Variants in ADAMTS12 observed in about 807,000 individuals in gnomAD.
The protein encoded by ADAMTS12 is A disintegrin and metalloproteinase with thrombospondin motifs 12.
ADAMTS12 carries 118 observed loss-of-function variants against 167.8 expected under a neutral mutation model. The observed-to-expected ratio is 0.70, with a 90% CI of 0.61 to 0.82. The LOEUF (loss-of-function observed/expected upper bound fraction) is 0.82, where lower values mean the gene tolerates loss of function less well. Among genes scored for constraint, ADAMTS12 ranks in the 40% least tolerant of loss-of-function variants. ADAMTS12 has a pLI of 0.00. For synonymous variants in ADAMTS12, 704 were observed against 716.9 expected, an observed-to-expected ratio of 0.98 and a Z score of 0.29; for missense variants, 1,916 against 1,998.8, an observed-to-expected ratio of 0.96 and a Z score of 0.79.
In ADAMTS12 at chr5:33,741,892, C is replaced by G. The variant is rs559970543; in HGVS notation, c.634+9512G>C. Among the ~76,000 whole-genome samples, 178 of 152,290 alleles carry G rather than the reference C, an allele frequency of 1.2e-3. 1 individual carries two copies. The highest frequency in any genetic ancestry group is 4.2e-3 in the African/African-American group (176 of 41,558). On this transcript the variant is annotated intron_variant, in intron 3 of 23. Transcript: ENST00000504830. ...CCACCTGCCTCAGCCTCCCGAAGTG[C>G]TGGGATTACACCAAACCCACTTTTG... is the stretch of plus-strand genomic sequence containing the variant.
At chr5:33,875,060 T>A (rs2111750711) in intron 2 of ADAMTS12, among the ~76,000 whole-genome samples, 1 of 152,186 alleles carries the variant, frequency 6.6e-6, no homozygotes, top group African/African-American at 2.4e-5. Context: ...GAGTGAGACA[T>A]ATTACTAAGT....
chr5:33,842,034 G>A (rs1219307424), intron 2 of ADAMTS12, among the ~76,000 whole-genome samples: 1 of 152,034 alleles, frequency 6.6e-6, no homozygotes, highest in African/African-American at 2.4e-5. Flanking sequence ...TGGACACCCG[G>A]GTAAATGCCA....
chr5:33,876,605 G>C (rs1387108184), intron 2 of ADAMTS12, among the ~76,000 whole-genome samples: 1 of 152,136 alleles, frequency 6.6e-6, no homozygotes, highest in Non-Finnish European at 1.5e-5. Flanking sequence ...GAGAAAAGGA[G>C]GGAGGAGGGG....
intron 2 of ADAMTS12, among the ~76,000 whole-genome samples, chr5:33,752,154 T>C (rs1244561817): frequency 1.3e-5 from 2 of 152,218 alleles, no homozygotes; most frequent in Non-Finnish European, 2.9e-5. Context: ...TTCACAGATA[T>C]GAAAATCAGT....
At chr5:33,622,496 A>G (rs1739384968) in intron 14 of ADAMTS12, among the ~76,000 whole-genome samples, 3 of 152,184 alleles carry the variant, frequency 2.0e-5, no homozygotes, top group African/African-American at 7.2e-5. Context: ...TCTACTAAAA[A>G]TACAAAAATT....
intron 3 of ADAMTS12, among the ~76,000 whole-genome samples, chr5:33,741,120 C>T (rs943453933): frequency 8.5e-5 from 13 of 152,120 alleles, no homozygotes; most frequent in Non-Finnish European, 1.5e-5. Context: ...GCACACACAG[C>T]GTAACTAAGT....
At chr5:33,544,455 C>G (rs1351638166) in intron 22 of ADAMTS12, among the ~76,000 whole-genome samples, 1 of 151,756 alleles carries the variant, frequency 6.6e-6, no homozygotes, top group Non-Finnish European at 1.5e-5. Flanking sequence ...TTTATAGATT[C>G]AATGCCATCC....
At chr5:33,611,343 T>C (rs1440324234) in intron 16 of ADAMTS12, among the ~76,000 whole-genome samples, 2 of 152,128 alleles carry the variant, frequency 1.3e-5, no homozygotes, top group African/African-American at 2.4e-5. Context: ...GGGACTTTTT[T>C]TTTTTTTGTC....
At chr5:33,631,212 T>C (rs756245826) in intron 12 of ADAMTS12, among the ~76,000 whole-genome samples, 3 of 152,224 alleles carry the variant, frequency 2.0e-5, no homozygotes, top group Non-Finnish European at 4.4e-5. Flanking sequence ...CAACATTGAA[T>C]TGTGCTTATA....
chr5:33,764,803 T>C (rs1745474014), intron 2 of ADAMTS12, among the ~76,000 whole-genome samples: 1 of 148,714 alleles, frequency 6.7e-6, no homozygotes, highest in Non-Finnish European at 1.5e-5. Context: ...TAAAATTTGA[T>C]GATTTTTTTT....
At chr5:33,587,833 A>T (rs1187954710) in intron 18 of ADAMTS12, among the ~76,000 whole-genome samples, 1 of 150,356 alleles carries the variant, frequency 6.7e-6, no homozygotes, top group South Asian at 2.1e-4. Flanking sequence ...GTTAATTTTT[A>T]AAAAACATGT....
intron 2 of ADAMTS12, among the ~76,000 whole-genome samples, chr5:33,804,972 C>T (rs545372501): frequency 6.6e-6 from 1 of 152,262 alleles, no homozygotes; most frequent in East Asian, 1.9e-4. Flanking sequence ...CATTCATTCC[C>T]ACTTTGCACC....
intron 5 of ADAMTS12, among the ~76,000 whole-genome samples, chr5:33,663,553 A>G (rs1416277536): frequency 6.6e-6 from 1 of 152,212 alleles, no homozygotes; most frequent in African/African-American, 2.4e-5. Flanking sequence ...ACTCAGTATT[A>G]TTTGTAAAGA....
intron 16 of ADAMTS12, among the ~76,000 whole-genome samples, chr5:33,601,991 T>C (rs1469140254): frequency 2.9e-5 from 4 of 139,984 alleles, no homozygotes; most frequent in African/African-American, 1.0e-4. Flanking sequence ...TATGACTCCC[T>C]TTCTGTGTCC....
intron 3 of ADAMTS12, among the ~76,000 whole-genome samples, chr5:33,739,509 T>A (rs1331298425): frequency 1.3e-5 from 2 of 152,216 alleles, no homozygotes; most frequent in Non-Finnish European, 2.9e-5. Context: ...GTGTGTGGTC[T>A]CACACATCTG....
intron 3 of ADAMTS12, among the ~76,000 whole-genome samples, chr5:33,740,838 C>G (rs540153552): frequency 6.6e-6 from 1 of 152,340 alleles, no homozygotes; most frequent in South Asian, 2.1e-4. Flanking sequence ...GAGAACCCAA[C>G]TCCAGAAGGC....
chr5:33,661,946 A>G lies in ADAMTS12; in HGVS notation c.1010T>C (p.Val337Ala), dbSNP rs1741274788. The G allele has an allele frequency of 4.3e-6, 7 of 1,613,480 alleles. No homozygotes were observed. The highest frequency in any genetic ancestry group is 5.9e-6 in the Non-Finnish European group (7 of 1,179,600). The change falls in exon 6 of 24, where the codon GTT becomes GCT. Residue 337 changes from valine to alanine, a missense_variant. Physicochemically the swap from Val to Ala is moderately conservative, Grantham distance 64. Coordinates refer to ENST00000504830, the MANE Select transcript of ADAMTS12 (RefSeq NM_030955.4). ...GAGAAGGACAGCCACGTCGTGATGA[A>G]CAGGATTGAGGTCACTCTTGGGATT... The part of the protein sequence containing the change: ...SINPKSDLNP[V>A]HHDVAVLLTR...
chr5:33,768,271 G>A (rs1352455397), intron 2 of ADAMTS12, among the ~76,000 whole-genome samples: 1 of 152,170 alleles, frequency 6.6e-6, no homozygotes, highest in African/African-American at 2.4e-5. Flanking sequence ...CACGGCAAAA[G>A]AGGAAGACCA....
intron 2 of ADAMTS12, among the ~76,000 whole-genome samples, chr5:33,878,123 C>A (rs1173712877): frequency 6.6e-6 from 1 of 152,170 alleles, no homozygotes; most frequent in Non-Finnish European, 1.5e-5. Flanking sequence ...ACCCTAGACA[C>A]GTGATCAGAA....
Sources: gnomAD v4.1 joint callset for allele counts (sites outside exome capture counted in the v4.1 genomes callset) on GRCh38, gnomAD v4.1.1 for gene constraint, MANE v1.5 for transcripts, NCBI Gene and HGNC (gene_info 2026-07-23, HGNC 2026-07-21) for gene names.